The following SPIRE1 variants were observed in gnomAD, a reference collection of about 807,000 sequenced individuals.
SPIRE1 encodes protein spire homolog 1.
Under a neutral mutation model 94.1 loss-of-function variants are expected in SPIRE1, and 40 were observed. That is an observed-to-expected ratio of 0.43 (90% CI 0.33 to 0.55). The LOEUF is 0.55. Ranked by LOEUF, SPIRE1 falls within the 20% of genes least tolerant of loss-of-function variation. SPIRE1 has a pLI of 0.06. For missense variants in SPIRE1, 838 were observed against 975.2 expected (o/e 0.86, Z 1.87); for synonymous variants, 376 against 371.7 (o/e 1.01, Z -0.13).
intron 10 of SPIRE1, among the ~76,000 whole-genome samples, chr18:12,474,573 G>C (rs2032486778): frequency 6.6e-6 from 1 of 152,172 alleles, no homozygotes. Flanking sequence ...TGTAATCCCA[G>C]CACTTTGGGA....
chr18:12,451,015 G>A, intron 16 of SPIRE1: 1 of 552,890 alleles, frequency 1.8e-6, no homozygotes, highest in Non-Finnish European at 3.3e-6. Flanking sequence ...AAGATGAAAA[G>A]GAAGAAGGAG....
intron 1 of SPIRE1, among the ~76,000 whole-genome samples, chr18:12,647,752 T>C (rs548719598): frequency 3.9e-5 from 6 of 152,180 alleles, no homozygotes; most frequent in Middle Eastern, 3.4e-3. Flanking sequence ...AAACTACAAC[T>C]TTAAAAAATA....
At chr18:12,566,346 TA>T (rs1228667153) in intron 2 of SPIRE1, among the ~76,000 whole-genome samples, 1 of 151,910 alleles carries the variant, frequency 6.6e-6, no homozygotes, top group Non-Finnish European at 1.5e-5. Context: ...AAATAAAAAA[TA>T]AATTAAAAAG....
At chr18:12,640,248 T>C (rs2038049885) in intron 1 of SPIRE1, among the ~76,000 whole-genome samples, 2 of 152,218 alleles carry the variant, frequency 1.3e-5, no homozygotes, top group Non-Finnish European at 2.9e-5. Context: ...AAAAACAGAA[T>C]TTCTGGAACT....
At chr18:12,453,005 G>A in intron 14 of SPIRE1, 63 bp downstream of exon 14, 4 of 1,014,742 alleles carry the variant, frequency 3.9e-6, no homozygotes, top group South Asian at 1.6e-5. Context: ...AAATAAGGAA[G>A]ATAATTGGTA....
At chr18:12,538,604 T>G (rs753397707) in intron 3 of SPIRE1, among the ~76,000 whole-genome samples, 2 of 152,160 alleles carry the variant, frequency 1.3e-5, no homozygotes, top group Non-Finnish European at 2.9e-5. Context: ...GCCCTTTATG[T>G]TAACCACTTA....
chr18:12,628,805 T>C (rs2037701359), intron 2 of SPIRE1, among the ~76,000 whole-genome samples: 1 of 152,216 alleles, frequency 6.6e-6, no homozygotes, highest in South Asian at 2.1e-4. Flanking sequence ...TTATTCTCTT[T>C]GTAGCAATAT....
At chr18:12,465,835 C>T (rs2032072491) in intron 10 of SPIRE1, among the ~76,000 whole-genome samples, 1 of 152,060 alleles carries the variant, frequency 6.6e-6, no homozygotes, top group Admixed American at 6.5e-5. Context: ...CCTATAATCC[C>T]AGCACTTTGG....
intron 3 of SPIRE1, among the ~76,000 whole-genome samples, chr18:12,536,011 C>G (rs900237810): frequency 6.6e-6 from 1 of 152,072 alleles, no homozygotes; most frequent in African/African-American, 2.4e-5. Flanking sequence ...ATTTTCATAT[C>G]AGACAGCCAG....
intron 4 of SPIRE1, among the ~76,000 whole-genome samples, chr18:12,517,420 G>C (rs569460194): frequency 6.6e-6 from 1 of 152,302 alleles, no homozygotes; most frequent in African/African-American, 2.4e-5. Flanking sequence ...TATGTGGCTA[G>C]AAAGCTCAAT....
At chr18:12,626,331 G>C (rs1048808311) in intron 2 of SPIRE1, among the ~76,000 whole-genome samples, 2 of 151,916 alleles carry the variant, frequency 1.3e-5, no homozygotes, top group African/African-American at 4.8e-5. Flanking sequence ...AAGATCTCTG[G>C]GTCCCCTAAA....
At chr18:12,536,097 T>C (rs571034366) in intron 3 of SPIRE1, among the ~76,000 whole-genome samples, 1 of 152,248 alleles carries the variant, frequency 6.6e-6, no homozygotes, top group South Asian at 2.1e-4. Flanking sequence ...GGAAAAGTGG[T>C]CCACTAACTA....
intron 6 of SPIRE1, among the ~76,000 whole-genome samples, chr18:12,498,034 G>A (rs955492030): frequency 6.6e-6 from 1 of 152,182 alleles, no homozygotes; most frequent in Non-Finnish European, 1.5e-5. Context: ...CAGTACGGGT[G>A]GAGGAAGCTC....
chr18:12,518,636 T>C (rs944234842), intron 4 of SPIRE1, among the ~76,000 whole-genome samples: 16 of 151,958 alleles, frequency 1.1e-4, no homozygotes, highest in Non-Finnish European at 1.8e-4. Flanking sequence ...TGAGCTGAGA[T>C]TGCATCACTG....
At chr18:12,455,661 A>G (rs908821922) in intron 12 of SPIRE1, among the ~76,000 whole-genome samples, 1 of 152,218 alleles carries the variant, frequency 6.6e-6, no homozygotes, top group African/African-American at 2.4e-5. Context: ...GGTGGATCTC[A>G]GAGAAAGACA....
chr18:12,658,157 C>A, upstream of SPIRE1: 1 of 953,028 alleles, frequency 1.0e-6, no homozygotes. Context: ...CGCCGCCCAG[C>A]GCCCGCCCCT....
At chr18:12,467,648 C>T (rs1272780309) in intron 10 of SPIRE1, among the ~76,000 whole-genome samples, 10 of 152,110 alleles carry the variant, frequency 6.6e-5, no homozygotes, top group African/African-American at 1.9e-4. Flanking sequence ...AGCTCACCTT[C>T]GCTAGAAATA....
At chr18:12,498,922 C>CATTT (rs1439798378) in intron 6 of SPIRE1, among the ~76,000 whole-genome samples, 8 of 152,170 alleles carry the variant, frequency 5.3e-5, no homozygotes, top group South Asian at 2.1e-4. Context: ...GCACCCTGCC[C>CATTT]ATTTATTTAT....
At chr18:12,461,566 T>TGTGTG (rs1568184248) in intron 12 of SPIRE1, among the ~76,000 whole-genome samples, 6 of 135,498 alleles carry the variant, frequency 4.4e-5, no homozygotes, top group African/African-American at 1.9e-4. Context: ...TGCGTGTATA[T>TGTGTG]GTATGTACAT....
Sources: gnomAD v4.1 joint callset for allele counts (sites outside exome capture counted in the v4.1 genomes callset) on GRCh38, gnomAD v4.1.1 for gene constraint, MANE v1.5 for transcripts, NCBI Gene and HGNC (gene_info 2026-07-23, HGNC 2026-07-21) for gene names.